TRIP12: variants seen among roughly 807,000 people sequenced by gnomAD.
TRIP12 encodes E3 ubiquitin-protein ligase TRIP12.
A neutral mutation model predicts 244.2 loss-of-function variants in TRIP12; 25 were observed. The observed-to-expected ratio is 0.10, with a 90% CI of 0.07 to 0.14. The LOEUF is 0.14. Among genes scored for constraint, TRIP12 ranks in the 10% least tolerant of loss-of-function variants. The pLI, the probability that TRIP12 is intolerant of heterozygous loss-of-function variation, is 1.00. For synonymous variants in TRIP12, 905 were observed against 873.1 expected (o/e 1.04, Z -0.64); for missense variants, 1,677 against 2,486.4 (o/e 0.67, Z 6.92).
Position 229,830,734 on chromosome 2 carries a change from T to C in TRIP12, c.1354+22A>G, listed in dbSNP as rs761427535. ...GGTAGCTCATGGTAATGGTTTCTTATAGGCTCAATAACTGTTTTTACCTTG... is the reference window on the plus strand; with the variant it reads ...GGTAGCTCATGGTAATGGTTTCTTACAGGCTCAATAACTGTTTTTACCTTG... On this transcript the variant is annotated intron_variant, in intron 7 of 41. Coordinates refer to ENST00000675903, the MANE Select transcript of TRIP12 (RefSeq NM_001348323.3). The C allele has an allele frequency of 2.0e-5, 32 of 1,602,734 alleles. No homozygotes were observed. The highest frequency in any genetic ancestry group is 6.7e-5 in the African/African-American group (5 of 74,666).
chr2:229,907,795 T>C (rs2073236097), intron 1 of TRIP12, among the ~76,000 whole-genome samples: 1 of 146,736 alleles, frequency 6.8e-6, no homozygotes, highest in South Asian at 2.2e-4. Flanking sequence ...AGAGAGACCT[T>C]ATCTCTAGAA....
At chr2:229,918,548 TA>T (rs1217197788) in intron 1 of TRIP12, among the ~76,000 whole-genome samples, 1 of 152,204 alleles carries the variant, frequency 6.6e-6, no homozygotes, top group Non-Finnish European at 1.5e-5. Context: ...ACTTTGTCAA[TA>T]AAAAACGTAA....
At chr2:229,912,832 A>G (rs888185864) in intron 1 of TRIP12, among the ~76,000 whole-genome samples, 21 of 152,148 alleles carry the variant, frequency 1.4e-4, no homozygotes, top group African/African-American at 5.1e-4. Flanking sequence ...CAGATCTTGT[A>G]TGGAACCAGA....
intron 21 of TRIP12, among the ~76,000 whole-genome samples, chr2:229,800,671 A>G (rs566476998): frequency 6.6e-6 from 1 of 152,370 alleles, no homozygotes; most frequent in East Asian, 1.9e-4. Context: ...AACCATGTAA[A>G]AATATTTTAA....
At chr2:229,814,210 T>A (rs374487910) in intron 12 of TRIP12, 23 bp downstream of exon 12, 4 of 1,609,512 alleles carry the variant, frequency 2.5e-6, no homozygotes, top group Admixed American at 3.3e-5. Flanking sequence ...TGAAATGTAG[T>A]CCCCTTCAGT....
intron 7 of TRIP12, 140 bp from the exon 8 acceptor site, chr2:229,829,428 T>C (rs2052691597): frequency 1.6e-6 from 1 of 641,486 alleles, no homozygotes; most frequent in Non-Finnish European, 2.6e-6. Flanking sequence ...TAAGAGAAGC[T>C]ACAAACTTTC....
At chr2:229,809,261 T>C (rs570393985) in intron 15 of TRIP12, among the ~76,000 whole-genome samples, 2 of 152,272 alleles carry the variant, frequency 1.3e-5, no homozygotes, top group African/African-American at 4.8e-5. Flanking sequence ...TTTGCAACTT[T>C]ATAGAGAAGT....
chr2:229,916,512 G>C (rs567397577), intron 1 of TRIP12, among the ~76,000 whole-genome samples: 2 of 144,472 alleles, frequency 1.4e-5, no homozygotes, highest in Admixed American at 1.4e-4. Context: ...CCGAGATCGC[G>C]CCACTGCACT....
At chr2:229,840,117 T>G (rs1054000267) in intron 5 of TRIP12, among the ~76,000 whole-genome samples, 3 of 152,166 alleles carry the variant, frequency 2.0e-5, no homozygotes, top group African/African-American at 7.2e-5. Context: ...ATCACACTAT[T>G]GGGAAATTTA....
chr2:229,917,207 C>T (rs925519093), intron 1 of TRIP12, among the ~76,000 whole-genome samples: 3 of 151,482 alleles, frequency 2.0e-5, no homozygotes, highest in East Asian at 1.9e-4. Context: ...GGTGAAACCC[C>T]ATCTCTACTA....
In TRIP12 at chr2:229,771,600, A is replaced by C. The variant is rs775238858; in HGVS notation, c.5727T>G (p.Val1909=). Residue 1909 remains valine, a synonymous_variant, in exon 39 of 42, where the codon GTT becomes GTG. Transcript: ENST00000675903. ...LVIFWALNEG[V]SRQFDSFRDG... is the part of the protein sequence containing the mutation. ...CTCTGAACGAATCAAATTGCCTAGAAACGCCTTCATTTAGTGCCCAGAATA... is the reference window on the plus strand; with the variant it reads ...CTCTGAACGAATCAAATTGCCTAGACACGCCTTCATTTAGTGCCCAGAATA... 6.2e-7 allele frequency: 1 copy of C among 1,614,038 alleles called. No individual in the cohort carries two copies. Among genetic ancestry groups the C allele is most frequent in the Non-Finnish European group, 8.5e-7 (1 of 1,179,924 alleles).
chr2:229,800,952 A>G (rs975113728), intron 21 of TRIP12, among the ~76,000 whole-genome samples: 2 of 152,210 alleles, frequency 1.3e-5, no homozygotes, highest in African/African-American at 4.8e-5. Context: ...AAACATTTTT[A>G]AAGGGAAAGA....
intron 1 of TRIP12, among the ~76,000 whole-genome samples, chr2:229,916,415 G>C (rs1185061604): frequency 2.0e-5 from 3 of 152,178 alleles, no homozygotes; most frequent in Non-Finnish European, 2.9e-5. Context: ...TGATAGCCAA[G>C]TGTGGAGGTG....
chr2:229,815,197 A>G lies in TRIP12; in HGVS notation c.1636-3T>C, dbSNP rs751031496. On this transcript the variant is annotated splice_polypyrimidine_tract_variant and splice_region_variant and intron_variant, in intron 10 of 41. Coordinates refer to ENST00000675903, the MANE Select transcript of TRIP12 (RefSeq NM_001348323.3). The stretch of plus-strand genomic sequence containing the variant: ...AAGGCTCGACAAGCATGGTTCATCT[A>G]GAAAAGAAGAGATTTTAATGAGTAA... The G allele has an allele frequency of 6.2e-7, 1 of 1,608,946 alleles. No individual in the cohort carries two copies. Among genetic ancestry groups the G allele is most frequent in the Non-Finnish European group, 8.5e-7 (1 of 1,178,234 alleles).
Position 229,917,709 on chromosome 2 carries a change from C to G in TRIP12, c.-50+4171G>C, listed in dbSNP as rs1338450938. ...ACCAAGAGAAAGCATTCTGAAGAAT[C>G]TGCTGGGGTCAAAGAACCCTTCCAA... On this transcript the variant is annotated intron_variant, in intron 1 of 41. Transcript: ENST00000675903. 1.1e-4 allele frequency among the ~76,000 whole-genome samples: 16 copies of G among 152,150 alleles called. No individual in the cohort carries two copies. In the South Asian group the frequency reaches 1.5e-3, roughly 14 times the overall value.
intron 38 of TRIP12, among the ~76,000 whole-genome samples, chr2:229,772,489 A>T (rs1401474069): frequency 6.6e-6 from 1 of 152,164 alleles, no homozygotes; most frequent in Non-Finnish European, 1.5e-5. Flanking sequence ...TTTGAGACAG[A>T]GTCTCGCTCT....
At chr2:229,887,098 A>C (rs2066187582) in intron 1 of TRIP12, among the ~76,000 whole-genome samples, 1 of 152,224 alleles carries the variant, frequency 6.6e-6, no homozygotes, top group African/African-American at 2.4e-5. Context: ...AAAAATCAAA[A>C]TACTAGAAAG....
chr2:229,895,293 T>C (rs1261720432), intron 1 of TRIP12, among the ~76,000 whole-genome samples: 1 of 151,970 alleles, frequency 6.6e-6, no homozygotes, highest in Non-Finnish European at 1.5e-5. Context: ...AGGAATTATA[T>C]AAAATATATA....
rs1350239479 is a variant in TRIP12 at position 229,764,575 on chromosome 2, A to C, written c.*2979T>G. 1.3e-5 allele frequency: 2 copies of C among 152,234 alleles called. No homozygotes were observed. Among genetic ancestry groups the C allele is most frequent in the Non-Finnish European group, 2.9e-5 (2 of 68,044 alleles). 9.4% of individuals were successfully genotyped at this position (152,234 alleles called of 1,614,324 possible). A position where few individuals can be genotyped will look rare whatever the true frequency, so the allele number is the denominator to read the frequency against. On this transcript the variant is annotated 3_prime_UTR_variant, in exon 42 of 42. Coordinates refer to ENST00000675903, the MANE Select transcript of TRIP12 (RefSeq NM_001348323.3). The stretch of plus-strand genomic sequence containing the variant: ...AGCTCACGCTCACAGACAGGAGTCG[A>C]GAGTACAGCTGCAGCACCTGCTAAG...
Sources: gnomAD v4.1 joint callset for allele counts (sites outside exome capture counted in the v4.1 genomes callset) on GRCh38, gnomAD v4.1.1 for gene constraint, MANE v1.5 for transcripts, NCBI Gene and HGNC (gene_info 2026-07-23, HGNC 2026-07-21) for gene names.